The following IL1R1 variants were observed in gnomAD, a reference collection of about 807,000 sequenced individuals.
IL1R1 encodes interleukin-1 receptor type 1.
Under a neutral mutation model 50.2 loss-of-function variants are expected in IL1R1, and 22 were observed. The ratio of observed to expected loss-of-function variants is 0.44; its 90% CI spans 0.31 to 0.63. The LOEUF (loss-of-function observed/expected upper bound fraction) is 0.63. Among genes scored for constraint, IL1R1 ranks in the 20% least tolerant of loss-of-function variants. IL1R1 has a pLI of 0.07. For missense variants in IL1R1, 509 were observed against 676.2 expected (o/e 0.75, Z 2.74); for synonymous variants, 251 against 236.7 (o/e 1.06, Z -0.55).
chr2:102,101,416 G>T (rs983340031), upstream of IL1R1, among the ~76,000 whole-genome samples: 9 of 152,182 alleles, frequency 5.9e-5, no homozygotes, highest in Admixed American at 5.2e-4. Flanking sequence ...GAAGTCTCCT[G>T]CCCTCTCTTA....
At chr2:102,176,216 A>G (rs1686119124) in intron 11 of IL1R1, 137 bp from the exon 12 acceptor site, 2 of 674,940 alleles carry the variant, frequency 3.0e-6, no homozygotes, top group African/African-American at 1.8e-5. Context: ...AACATGGGAA[A>G]CTCCTTTAAT....
chr2:102,145,973 G>T lies in IL1R1; in HGVS notation c.-84+2953G>T, dbSNP rs150782080. Among the ~76,000 whole-genome samples the T allele has an allele frequency of 4.1e-3, 524 of 127,942 alleles. 3 individuals carry two copies. Among genetic ancestry groups the T allele is most frequent in the African/African-American group, 0.013 (510 of 40,204 alleles). The allele number at this position is 127,942 out of a possible 152,430, so 83.9% of individuals were successfully genotyped here. On this transcript the variant is annotated intron_variant, in intron 1 of 11. Coordinates refer to ENST00000410023, the MANE Select transcript of IL1R1 (RefSeq NM_000877.4). The stretch of plus-strand genomic sequence containing the variant: ...AGTGTCTTCAAGATGAAAGCAAAGT[G>T]CTCAGGAAAAAAAGCATTCTTGGCA...
At position 102,118,257 on chromosome 2, in the gene IL1R1, G is replaced by A. The variant is rs528296278; in HGVS notation, c.-84+13385G>A. Reference sequence around the variant, plus strand: ...TAAGAATCCCAGAACTCTGGGGTTTGGGGAGCTCCAGGGCTGCTGAACATG... The same window carrying A: ...TAAGAATCCCAGAACTCTGGGGTTTAGGGAGCTCCAGGGCTGCTGAACATG... On this transcript the variant is annotated intron_variant, in intron 1 of 10. Coordinates refer to the IL1R1 transcript ENST00000409329. Among the ~76,000 whole-genome samples, 22 of 152,266 alleles carry A rather than the reference G, an allele frequency of 1.4e-4. No individual in the cohort carries two copies. In the South Asian group the frequency reaches 4.6e-3, roughly 32 times the overall value.
chr2:102,160,893 G>A (rs1274258213), intron 3 of IL1R1, among the ~76,000 whole-genome samples: 1 of 152,170 alleles, frequency 6.6e-6, no homozygotes, highest in Non-Finnish European at 1.5e-5. Flanking sequence ...GAACCACTAA[G>A]TAATACAAAT....
Position 102,178,650 on chromosome 2 carries a change from G to A in IL1R1, c.*1891G>A, listed in dbSNP as rs187625460. 1 of 152,304 alleles carries A rather than the reference G, an allele frequency of 6.6e-6. No homozygotes were observed. The highest frequency in any genetic ancestry group is 2.4e-5 in the African/African-American group (1 of 41,518). The allele number at this position is 152,304 out of a possible 1,614,324, so 9.4% of individuals were successfully genotyped here. A position where few individuals can be genotyped will look rare whatever the true frequency, so the allele number is the denominator to read the frequency against. On this transcript the variant is annotated 3_prime_UTR_variant, in exon 12 of 12. Transcript: ENST00000410023. ...TTTGCTAGGAAGTGACCGAGTCTAG[G>A]AATGCTTTTATTCAAGACACCAAAT...
intron 1 of IL1R1, among the ~76,000 whole-genome samples, chr2:102,111,924 C>T (rs1159937309): frequency 6.6e-6 from 1 of 152,138 alleles, no homozygotes; most frequent in Non-Finnish European, 1.5e-5. Flanking sequence ...GGGCAAAGGG[C>T]AGAACTGGAA....
At chr2:102,136,598 G>A (rs769923398) in intron 1 of IL1R1, among the ~76,000 whole-genome samples, 3 of 151,856 alleles carry the variant, frequency 2.0e-5, no homozygotes, top group South Asian at 2.1e-4. Flanking sequence ...GGCTGGTCTC[G>A]AACCCCTGAC....
chr2:102,116,332 G>A (rs891598270), intron 1 of IL1R1, among the ~76,000 whole-genome samples: 1 of 152,214 alleles, frequency 6.6e-6, no homozygotes, highest in African/African-American at 2.4e-5. Context: ...TGGATGTTAG[G>A]AGACTGGATT....
At chr2:102,106,972 G>T (rs72817897) in intron 1 of IL1R1, among the ~76,000 whole-genome samples, 13,103 of 152,038 alleles carry the variant, frequency 0.086, 706 homozygotes, top group East Asian at 0.23. Context: ...TGATGCAAAG[G>T]TTATCTCAAC....
At chr2:102,083,779 A>T (rs961969335) in intron 1 of IL1R1, among the ~76,000 whole-genome samples, 3 of 152,020 alleles carry the variant, frequency 2.0e-5, no homozygotes, top group Non-Finnish European at 4.4e-5. Flanking sequence ...CCCCATCTCT[A>T]CTAAAAATAC....
intron 7 of IL1R1, among the ~76,000 whole-genome samples, chr2:102,169,090 T>G (rs1344843184): frequency 6.6e-6 from 1 of 152,160 alleles, no homozygotes; most frequent in Non-Finnish European, 1.5e-5. Context: ...AAAATTATAT[T>G]TGACATCTTA....
chr2:102,121,980 C>A (rs1214461158), intron 1 of IL1R1, among the ~76,000 whole-genome samples: 3 of 152,074 alleles, frequency 2.0e-5, no homozygotes, highest in African/African-American at 4.8e-5. Context: ...GCCAGGCAAC[C>A]AGAATCAAGA....
In IL1R1 at chr2:102,174,742, T is replaced by C. The variant is rs1249442278; in HGVS notation, c.1135+12T>C. The C allele has an allele frequency of 2.5e-6, 4 of 1,600,896 alleles. No homozygotes were observed. Among genetic ancestry groups the C allele is most frequent in the Non-Finnish European group, 3.4e-6 (4 of 1,174,198 alleles). On this transcript the variant is annotated intron_variant, in intron 10 of 11. Transcript: ENST00000410023. ...TCTCCCAATAAAAGGTATAATTTTG[T>C]ATTCCATGCAGTATTTCTTGTTGGA... is the stretch of plus-strand genomic sequence containing the variant.
chr2:102,123,596 CG>C (rs1266378922), intron 1 of IL1R1, among the ~76,000 whole-genome samples: 2 of 151,342 alleles, frequency 1.3e-5, no homozygotes, highest in African/African-American at 4.9e-5. Context: ...GCCAACATGG[CG>C]AAACCCCACC....
chr2:102,162,741 T>C (rs143112961), intron 3 of IL1R1, among the ~76,000 whole-genome samples: 1 of 152,252 alleles, frequency 6.6e-6, no homozygotes, highest in East Asian at 1.9e-4. Flanking sequence ...TGTTACTTCT[T>C]TATTTGTTTT....
At chr2:102,144,563 T>C (rs1415778932) in intron 1 of IL1R1, among the ~76,000 whole-genome samples, 1 of 152,164 alleles carries the variant, frequency 6.6e-6, no homozygotes, top group Non-Finnish European at 1.5e-5. Context: ...TTATTAAAGA[T>C]TTATTGACTA....
intron 1 of IL1R1, among the ~76,000 whole-genome samples, chr2:102,151,337 C>A (rs561032978): frequency 6.6e-6 from 1 of 152,308 alleles, no homozygotes; most frequent in African/African-American, 2.4e-5. Flanking sequence ...GACCTACACC[C>A]AGTACCCTTA....
At chr2:102,083,522 C>T (rs561854328) in intron 1 of IL1R1, among the ~76,000 whole-genome samples, 10 of 152,138 alleles carry the variant, frequency 6.6e-5, no homozygotes, top group Non-Finnish European at 1.2e-4. Flanking sequence ...CAAACAGATA[C>T]GGGCTCTTCC....
chr2:102,103,863 G>T (rs147835066), upstream of IL1R1, among the ~76,000 whole-genome samples: 18 of 151,896 alleles, frequency 1.2e-4, no homozygotes, highest in East Asian at 3.1e-3. Context: ...ACATGGTGGC[G>T]GGCATCTATA....
Sources: gnomAD v4.1 joint callset for allele counts (sites outside exome capture counted in the v4.1 genomes callset) on GRCh38, gnomAD v4.1.1 for gene constraint, MANE v1.5 for transcripts, NCBI Gene and HGNC (gene_info 2026-07-23, HGNC 2026-07-21) for gene names.